The following NCOA7 variants were observed in gnomAD, a reference collection of about 807,000 sequenced individuals.
NCOA7 encodes the protein nuclear receptor coactivator 7.
Under a neutral mutation model 104.3 loss-of-function variants are expected in NCOA7, and 45 were observed. The ratio of observed to expected loss-of-function variants is 0.43; its 90% CI spans 0.34 to 0.55. NCOA7 has a LOEUF of 0.55. Ranked by LOEUF, NCOA7 falls within the 20% of genes least tolerant of loss-of-function variation. NCOA7 has a pLI of 0.02. For synonymous variants in NCOA7, 398 were observed against 402.3 expected, an observed-to-expected ratio of 0.99 and a Z score of 0.13; for missense variants, 1,041 against 1,119.7, an observed-to-expected ratio of 0.93 and a Z score of 1.00.
At chr6:125,908,606 CTT>C in intron 10 of NCOA7, among the ~76,000 whole-genome samples, 1 of 152,314 alleles carries the variant, frequency 6.6e-6, no homozygotes, top group Non-Finnish European at 1.5e-5. Context: ...ATCCTACAGA[CTT>C]TATATAAATC....
At chr6:125,855,743 G>A (rs561906222) in intron 3 of NCOA7, among the ~76,000 whole-genome samples, 1 of 152,022 alleles carries the variant, frequency 6.6e-6, no homozygotes, top group Admixed American at 6.5e-5. Context: ...GTGTGCAATG[G>A]CATGATCTCG....
intron 1 of NCOA7, among the ~76,000 whole-genome samples, chr6:125,810,985 T>C (rs769427150): frequency 6.6e-6 from 1 of 152,246 alleles, no homozygotes; most frequent in Non-Finnish European, 1.5e-5. Context: ...GAACCAAATA[T>C]TAGTTTCTGG....
At chr6:125,822,095 T>C (rs956834493) in intron 2 of NCOA7, among the ~76,000 whole-genome samples, 1 of 152,208 alleles carries the variant, frequency 6.6e-6, no homozygotes, top group African/African-American at 2.4e-5. Flanking sequence ...GCCCTTTCTT[T>C]AATTAACTGT....
intron 2 of NCOA7, among the ~76,000 whole-genome samples, chr6:125,854,039 A>G (rs9372828): frequency 9.9e-5 from 15 of 152,018 alleles, no homozygotes; most frequent in South Asian, 2.1e-4. Flanking sequence ...ATCAAATTGG[A>G]CATATGCTCA....
chr6:125,882,294 G>T, intron 6 of NCOA7, 132 bp from the exon 7 acceptor site: 3 of 817,688 alleles, frequency 3.7e-6, no homozygotes, highest in Non-Finnish European at 3.9e-6. Flanking sequence ...AAGGACAGAG[G>T]ATATTTGCCT....
Position 125,882,480 on chromosome 6 carries a change from A to G in NCOA7, c.628A>G (p.Thr210Ala), listed in dbSNP as rs769275949. 39 of 1,613,634 alleles carry G rather than the reference A, an allele frequency of 2.4e-5. No individual in the cohort carries two copies. In the East Asian group the frequency reaches 3.6e-4, roughly 15 times the overall value. The stretch of plus-strand genomic sequence containing the variant: ...ACCCATTGAAAGAGTCTTATCGTCT[A>G]CTTCTGAAGAAGATGAGCCAGGTGT... ...LKPIERVLSSTSEEDEPGVVK... is the reference protein window; with the variant it reads ...LKPIERVLSSASEEDEPGVVK... Residue 210 changes from threonine to alanine, a missense_variant, in exon 7 of 16, where the codon ACT becomes GCT. This residue lies in a region of NCOA7 where 914 missense variants were observed against 942.7 expected (regional missense o/e 0.97). Coordinates refer to ENST00000392477, the MANE Select transcript of NCOA7 (RefSeq NM_181782.5).
chr6:125,790,715 A>G (rs1043394188), upstream of NCOA7: 1 of 151,944 alleles, frequency 6.6e-6, no homozygotes, highest in Non-Finnish European at 1.5e-5. Flanking sequence ...GCGTCGCGCC[A>G]CCCGTGACTG....
chr6:125,912,084 G>C (rs1786616210), intron 10 of NCOA7, among the ~76,000 whole-genome samples: 1 of 152,224 alleles, frequency 6.6e-6, no homozygotes, highest in African/African-American at 2.4e-5. Flanking sequence ...AGAAGGCATA[G>C]AGAAAGCAAA....
At position 125,832,024 on chromosome 6, in the gene NCOA7, C is replaced by T. The variant is rs565169966; in HGVS notation, c.50+16620C>T. Among the ~76,000 whole-genome samples the T allele has an allele frequency of 3.0e-4, 45 of 152,278 alleles. 1 individual carries two copies. The South Asian group carries it at 7.1e-3, about 24-fold the overall frequency. ...GTGATGGAGTTGACAGAATTTGTTT[C>T]GGAAGAACATATTACAGACATGAGC... On this transcript the variant is annotated intron_variant, in intron 2 of 15. Coordinates refer to ENST00000392477, the MANE Select transcript of NCOA7 (RefSeq NM_181782.5).
chr6:125,787,950 C>T (rs529415364), upstream of NCOA7, among the ~76,000 whole-genome samples: 1 of 152,116 alleles, frequency 6.6e-6, no homozygotes, highest in Admixed American at 6.5e-5. Flanking sequence ...ATATCCTTTA[C>T]GGATAAAGCA....
At chr6:125,880,320 T>C (rs751259327) in intron 5 of NCOA7, among the ~76,000 whole-genome samples, 4 of 152,038 alleles carry the variant, frequency 2.6e-5, no homozygotes, top group East Asian at 3.9e-4. Context: ...GGCACAGATA[T>C]TAAGTTTAGA....
chr6:125,919,381 G>A (rs745763671), intron 11 of NCOA7: 14 of 1,612,674 alleles, frequency 8.7e-6, no homozygotes, highest in Admixed American at 1.7e-5. Context: ...ATTACCCTTG[G>A]ACATCCAGAT....
chr6:125,814,302 G>T (rs538702297), intron 1 of NCOA7, among the ~76,000 whole-genome samples: 1 of 152,086 alleles, frequency 6.6e-6, no homozygotes, highest in Non-Finnish European at 1.5e-5. Flanking sequence ...CTGCAGGCGT[G>T]CACCACCATG....
At chr6:125,857,241 T>A (rs573546037) in intron 3 of NCOA7, among the ~76,000 whole-genome samples, 1 of 152,256 alleles carries the variant, frequency 6.6e-6, no homozygotes, top group African/African-American at 2.4e-5. Context: ...GCATTTCATA[T>A]CTTTCGTTTG....
intron 2 of NCOA7, among the ~76,000 whole-genome samples, chr6:125,840,868 GTTTTTTTTTTTTTTTTTTTTTTTTTT>G (rs57168444): frequency 1.2e-4 from 5 of 40,378 alleles, no homozygotes; most frequent in Admixed American, 4.4e-4. Flanking sequence ...TGTTTGGTTG[GTTTTTTTTTTTTTTTTTTTTTTTTTT>G]TTTTTTTTTT....
At position 125,889,969 on chromosome 6, in the gene NCOA7, G is replaced by A. The variant is rs748575855; in HGVS notation, c.1915G>A (p.Val639Ile). 1 of 1,528,220 alleles carries A rather than the reference G, an allele frequency of 6.5e-7. No individual in the cohort carries two copies. Among genetic ancestry groups the A allele is most frequent in the East Asian group, 2.3e-5 (1 of 44,032 alleles). The allele number at this position is 1,528,220 out of a possible 1,614,324, so 94.7% of individuals were successfully genotyped here. A position where few individuals can be genotyped will look rare whatever the true frequency, so the allele number is the denominator to read the frequency against. Residue 639 changes from valine (V) to isoleucine (I), a missense_variant, in exon 9 of 16, where the codon GTA becomes ATA. This residue lies in a region of NCOA7 where 914 missense variants were observed against 942.7 expected (regional missense o/e 0.97). Coordinates refer to ENST00000392477, the MANE Select transcript of NCOA7 (RefSeq NM_181782.5). ...VQLWLLKRIQVPIEDILPSKE... is the reference protein window; with the variant it reads ...VQLWLLKRIQIPIEDILPSKE... The stretch of plus-strand genomic sequence containing the variant: ...GTTGTGGCTGTTAAAGAGAATTCAG[G>A]TACCCATTGAAGGTAAGCTGTTTTT...
chr6:125,851,178 A>G (rs1781091759), intron 2 of NCOA7, among the ~76,000 whole-genome samples: 1 of 152,136 alleles, frequency 6.6e-6, no homozygotes, highest in Non-Finnish European at 1.5e-5. Flanking sequence ...TGAATCATAT[A>G]GTGGTGGAGT....
Position 125,881,314 on chromosome 6 carries a change from T to A in NCOA7, c.573+111T>A. The A allele has an allele frequency of 3.6e-6, 3 of 829,564 alleles. No homozygotes were observed. In the South Asian group the frequency reaches 4.7e-5, roughly 13 times the overall value. 51.4% of individuals were successfully genotyped at this position (829,564 alleles called of 1,614,324 possible). Reference sequence around the variant, plus strand: ...TACATCTGAAATTCTCCCTAGATGGTTGAGATTAGGTAATTGGAGAATGCA... The same window carrying A: ...TACATCTGAAATTCTCCCTAGATGGATGAGATTAGGTAATTGGAGAATGCA... On this transcript the variant is annotated intron_variant, in intron 6 of 15. Coordinates refer to ENST00000392477, the MANE Select transcript of NCOA7 (RefSeq NM_181782.5).
At chr6:125,890,036 A>C in intron 9 of NCOA7, 55 bp downstream of exon 9, 3 of 1,338,134 alleles carry the variant, frequency 2.2e-6, no homozygotes, top group Middle Eastern at 5.2e-4. Context: ...GCCTTTCTAC[A>C]ATTTGCACAT....
Sources: allele counts gnomAD v4.1 joint callset (sites outside exome capture counted in the v4.1 genomes callset), GRCh38; gene constraint gnomAD v4.1.1; regional missense constraint gnomAD v4.1.1; transcripts MANE v1.5; gene names NCBI Gene and HGNC (gene_info 2026-07-23, HGNC 2026-07-21).